The following ADAM28 variants were observed in gnomAD, a reference collection of about 807,000 sequenced individuals.
The protein encoded by ADAM28 is ADAM metallopeptidase domain 28.
Under a neutral mutation model 101.2 loss-of-function variants are expected in ADAM28, and 105 were observed. The observed-to-expected ratio is 1.04, with a 90% CI of 0.89 to 1.22. The LOEUF (loss-of-function observed/expected upper bound fraction) is 1.22, where lower values mean the gene tolerates loss of function less well. Among genes scored for constraint, ADAM28 ranks in the 50% most tolerant of loss-of-function variants. The pLI, the probability that ADAM28 is intolerant of heterozygous loss-of-function variation, is 0.00. For synonymous variants in ADAM28, 322 were observed against 310.6 expected (o/e 1.04, Z -0.39); for missense variants, 1,028 against 945.4 (o/e 1.09, Z -1.15).
chr8:24,351,309 A>G lies in ADAM28; in HGVS notation c.2177A>G (p.Glu726Gly), dbSNP rs1816098463. Residue 726 changes from glutamate (E) to glycine (G), a missense_variant and splice_region_variant, in exon 20 of 23, where the codon GAG becomes GGG. Transcript: ENST00000265769. ...ATGGTAAAGGCTGTTCAACCCCAAG[A>G]GGTGAACTATATAGTCTGGGCTGTG... is the stretch of plus-strand genomic sequence containing the variant. ...PQMVKAVQPQ[E>G]MSQMKPHVYD... The G allele has an allele frequency of 6.2e-7, 1 of 1,613,320 alleles. No homozygotes were observed. The highest frequency in any genetic ancestry group is 8.5e-7 in the Non-Finnish European group (1 of 1,179,394).
chr8:24,352,209 A>AAAAT, intron 21 of ADAM28, among the ~76,000 whole-genome samples, 157 bp downstream of exon 21: 1 of 152,362 alleles, frequency 6.6e-6, no homozygotes, highest in South Asian at 2.1e-4. Context: ...AAATATTTTG[A>AAAAT]AAATATAAAA....
At chr8:24,312,067 T>G (rs931036281) in intron 5 of ADAM28, among the ~76,000 whole-genome samples, 4 of 152,108 alleles carry the variant, frequency 2.6e-5, no homozygotes, top group African/African-American at 9.7e-5. Flanking sequence ...TCTCACTCGC[T>G]CTCTCTCTAG....
intron 10 of ADAM28, 25 bp downstream of exon 10, chr8:24,326,660 T>A: frequency 1.3e-6 from 2 of 1,589,368 alleles, no homozygotes; most frequent in Non-Finnish European, 1.7e-6. Flanking sequence ...AAACTGTTGG[T>A]TCTATGATTT....
chr8:24,318,534 T>G (rs1329841560), intron 6 of ADAM28, among the ~76,000 whole-genome samples: 1 of 151,902 alleles, frequency 6.6e-6, no homozygotes, highest in Non-Finnish European at 1.5e-5. Flanking sequence ...CAGACTGTTA[T>G]AATTATCTTT....
At chr8:24,309,786 T>C (rs894601054) in intron 2 of ADAM28, 108 bp from the exon 3 acceptor site, 6 of 820,756 alleles carry the variant, frequency 7.3e-6, no homozygotes, top group Admixed American at 2.3e-5. Context: ...TATTTGGTAT[T>C]ATACTGCTAA....
chr8:24,322,659 CA>C (rs1344109816), intron 8 of ADAM28: 3 of 151,898 alleles, frequency 2.0e-5, no homozygotes, highest in African/African-American at 7.3e-5. Context: ...GGAGTTTTGT[CA>C]GGTGAGTAAA....
At chr8:24,345,022 T>G (rs1480632402) in intron 18 of ADAM28, among the ~76,000 whole-genome samples, 27 of 145,066 alleles carry the variant, frequency 1.9e-4, no homozygotes, top group Non-Finnish European at 3.0e-5. Flanking sequence ...TGTTTATATT[T>G]AATGTCAAAA....
chr8:24,339,510 G>C lies in ADAM28; in HGVS notation c.1612G>C (p.Gly538Arg), dbSNP rs374783247. 2 of 1,613,434 alleles carry C rather than the reference G, an allele frequency of 1.2e-6. No homozygotes were observed. Among genetic ancestry groups the C allele is most frequent in the South Asian group, 2.2e-5 (2 of 90,974 alleles). ...GTCATGTTACAACAGGAATGAAGGT[G>C]GGTCAAAGTACGGGTACTGTCGCAG... ...DKSCYNRNEG[G>R]SKYGYCRRVD... Residue 538 changes from glycine to arginine, a missense_variant, in exon 15 of 23, where the codon GGG becomes CGG. Gly to Arg is a moderately radical substitution (Grantham distance 125). Coordinates refer to ENST00000265769, the MANE Select transcript of ADAM28 (RefSeq NM_014265.6).
In ADAM28 at chr8:24,341,633, G is replaced by A; in HGVS notation, c.1706G>A (p.Gly569Glu). Residue 569 changes from glycine to glutamate, a missense_variant, in exon 16 of 23, where the codon GGG becomes GAG. Coordinates refer to ENST00000265769, the MANE Select transcript of ADAM28 (RefSeq NM_014265.6). ...TGTGGGAAGTTGTTCTGTCAAGGTG[G>A]GTCGGATAATTTGCCCTGGAAAGGA... ...TMCGKLFCQG[G>E]SDNLPWKGRI... 1 of 1,613,686 alleles carries A rather than the reference G, an allele frequency of 6.2e-7. No individual in the cohort carries two copies. Among genetic ancestry groups the A allele is most frequent in the Non-Finnish European group, 8.5e-7 (1 of 1,179,756 alleles).
chr8:24,348,212 C>T (rs552433077), intron 18 of ADAM28, among the ~76,000 whole-genome samples: 46 of 152,056 alleles, frequency 3.0e-4, no homozygotes, highest in African/African-American at 1.1e-3. Flanking sequence ...AATTCATTTG[C>T]TTTTTTAAAA....
Position 24,305,161 on chromosome 8 carries a change from A to C in ADAM28, c.151-4733A>C, listed in dbSNP as rs1413846389. On this transcript the variant is annotated intron_variant, in intron 2 of 22. Coordinates refer to ENST00000265769, the MANE Select transcript of ADAM28 (RefSeq NM_014265.6). ...CTTAAAATATTCTCTCTACATTTAG[A>C]GTCCCTCCCATTTAGGGGACTCTAT... Among the ~76,000 whole-genome samples, 18 of 151,736 alleles carry C rather than the reference A, an allele frequency of 1.2e-4. 1 individual carries two copies. The highest frequency in any genetic ancestry group is 1.2e-3 in the Admixed American group (18 of 15,230).
Position 24,294,177 on chromosome 8 carries a change from C to G in ADAM28, c.28C>G (p.Leu10Val). ...GTTGCAAGGTCTCCTGCCAGTCAGT[C>G]TCCTCCTCTCTGTTGCAGGTACATA... MLQGLLPVS[L>V]LLSVAVSAIK... The change falls in exon 1 of 23, where the codon CTC (leucine) becomes GTC (valine). Residue 10 changes from leucine to valine, a missense_variant. Transcript: ENST00000265769. The G allele has an allele frequency of 6.2e-7, 1 of 1,614,166 alleles. No homozygotes were observed. Among genetic ancestry groups the G allele is most frequent in the Non-Finnish European group, 8.5e-7 (1 of 1,180,006 alleles).
chr8:24,308,531 T>C, intron 2 of ADAM28: 3 of 431,220 alleles, frequency 7.0e-6, no homozygotes, highest in Non-Finnish European at 1.4e-5. Context: ...AAGACCATAT[T>C]TGGTATCATT....
In ADAM28 at chr8:24,340,020, T is replaced by A. The variant is rs143000298; in HGVS notation, c.1670+452T>A. Among the ~76,000 whole-genome samples the A allele has an allele frequency of 4.1e-3, 622 of 152,262 alleles. 6 individuals carry two copies. Among genetic ancestry groups the A allele is most frequent in the African/African-American group, 0.014 (599 of 41,570 alleles). On this transcript the variant is annotated intron_variant, in intron 15 of 22. Coordinates refer to ENST00000265769, the MANE Select transcript of ADAM28 (RefSeq NM_014265.6). Reference sequence around the variant, plus strand: ...ACAGTTTTTTAAACTTTCAGTAGAATTACATAAAGAAAAAATACAATATGA... The same window carrying A: ...ACAGTTTTTTAAACTTTCAGTAGAAATACATAAAGAAAAAATACAATATGA...
chr8:24,297,627 C>T (rs1270310871), intron 1 of ADAM28, among the ~76,000 whole-genome samples: 5 of 152,146 alleles, frequency 3.3e-5, no homozygotes, highest in Admixed American at 3.3e-4. Flanking sequence ...AGACTAATTG[C>T]ATTGATTAGC....
intron 2 of ADAM28, among the ~76,000 whole-genome samples, chr8:24,302,142 C>T (rs982243099): frequency 2.0e-5 from 3 of 152,142 alleles, no homozygotes; most frequent in African/African-American, 7.2e-5. Context: ...TGCCTGTGTC[C>T]ACGTGTTCTC....
chr8:24,305,907 A>G (rs975288977), intron 2 of ADAM28, among the ~76,000 whole-genome samples: 21 of 152,134 alleles, frequency 1.4e-4, no homozygotes, highest in Non-Finnish European at 2.4e-4. Flanking sequence ...ACACCTTTGA[A>G]TTACCCCACA....
chr8:24,351,760 T>TCATTTATAACATTGGTAATCATTA (rs1816179765), intron 20 of ADAM28, among the ~76,000 whole-genome samples: 1 of 2,342 alleles, frequency 4.3e-4, no homozygotes, highest in Non-Finnish European at 2.8e-3. Flanking sequence ...ACATTGGTAA[T>TCATTTATAACATTGGTAATCATTA]CATTTATAAC....
intron 12 of ADAM28, among the ~76,000 whole-genome samples, chr8:24,332,146 G>A (rs1488870430): frequency 6.6e-6 from 1 of 152,140 alleles, no homozygotes; most frequent in Non-Finnish European, 1.5e-5. Context: ...TGAGGTAAGA[G>A]TTTCTCCAAT....
Sources: gnomAD v4.1 joint callset for allele counts (sites outside exome capture counted in the v4.1 genomes callset) on GRCh38, gnomAD v4.1.1 for gene constraint, MANE v1.5 for transcripts, NCBI Gene and HGNC (gene_info 2026-07-23, HGNC 2026-07-21) for gene names.